The following FBLN1 variants were observed in gnomAD, a reference collection of about 807,000 sequenced individuals.
FBLN1 encodes fibulin 1.
In FBLN1, 34 loss-of-function variants were observed where a neutral mutation model predicts 89.7. The observed-to-expected ratio is 0.38, with a 90% CI of 0.29 to 0.50. The LOEUF is 0.50. Among genes scored for constraint, FBLN1 ranks in the 20% least tolerant of loss-of-function variants. The pLI is 0.92. For missense variants in FBLN1, 777 were observed against 988.1 expected, an observed-to-expected ratio of 0.79 and a Z score of 2.86; for synonymous variants, 393 against 391.3, an observed-to-expected ratio of 1.00 and a Z score of -0.05.
chr22:45,523,597 G>C (rs1343063315), intron 2 of FBLN1, among the ~76,000 whole-genome samples: 1 of 152,156 alleles, frequency 6.6e-6, no homozygotes, highest in Non-Finnish European at 1.5e-5. Context: ...CCAGCTGCCG[G>C]TGAGGCTGAG....
At position 45,558,226 on chromosome 22, in the gene FBLN1, T is replaced by C. The variant is rs947721532; in HGVS notation, c.1697+7611T>C. ...TCAAGCCCGATCACGTATATACCAC[T>C]TCCATTTGATGATGGAATGCTGCTG... On this transcript the variant is annotated intron_variant, in intron 14 of 16. Coordinates refer to ENST00000327858, the MANE Select transcript of FBLN1 (RefSeq NM_006486.3). 14 of 562,750 alleles carry C rather than the reference T, an allele frequency of 2.5e-5. 1 individual carries two copies. The highest frequency in any genetic ancestry group is 3.3e-6 in the Non-Finnish European group (1 of 301,150). The allele number at this position is 562,750 out of a possible 1,614,324, so 34.9% of individuals were successfully genotyped here. A position where few individuals can be genotyped will look rare whatever the true frequency, so the allele number is the denominator to read the frequency against.
Position 45,557,502 on chromosome 22 carries a change from G to A in FBLN1, c.1697+6887G>A, listed in dbSNP as rs769563487. 2.6e-5 allele frequency among the ~76,000 whole-genome samples: 4 copies of A among 152,176 alleles called. No individual in the cohort carries two copies. Among genetic ancestry groups the A allele is most frequent in the Non-Finnish European group, 5.9e-5 (4 of 68,030 alleles). ...CATATCCAGGTCAGCCTTGGTGAGTGGAAGTCCATGTTGCTGAGCCCATGT... is the reference window on the plus strand; with the variant it reads ...CATATCCAGGTCAGCCTTGGTGAGTAGAAGTCCATGTTGCTGAGCCCATGT... On this transcript the variant is annotated intron_variant, in intron 14 of 16. Transcript: ENST00000327858. The surrounding 1 kb of genome is among the most constrained non-coding windows in gnomAD (Gnocchi z 4.9).
At position 45,600,309 on chromosome 22, in the gene FBLN1, G is replaced by A. The variant is rs1185743226; in HGVS notation, c.1975G>A (p.Val659Ile). 6 of 1,614,098 alleles carry A rather than the reference G, an allele frequency of 3.7e-6. No individual in the cohort carries two copies. The highest frequency in any genetic ancestry group is 2.5e-6 in the Non-Finnish European group (3 of 1,180,056). Reference sequence around the variant, plus strand: ...CACACCTTCTGCTCTCTCCGCAGGTGTCGTGCGCCAGGTGCGGCCCATCGT... The same window carrying A: ...CACACCTTCTGCTCTCTCCGCAGGTATCGTGCGCCAGGTGCGGCCCATCGT... ...KRYMDGMTVG[V>I]VRQVRPIVGP... is the part of the protein sequence containing the mutation. The change falls in exon 17 of 17, where the codon GTC (valine) becomes ATC (isoleucine). Residue 659 changes from valine to isoleucine, a missense_variant and splice_region_variant. Physicochemically the swap from Val to Ile is conservative, Grantham distance 29. Coordinates refer to ENST00000327858, the MANE Select transcript of FBLN1 (RefSeq NM_006486.3).
At chr22:45,543,207 A>T (rs562612725) in intron 10 of FBLN1, among the ~76,000 whole-genome samples, 194 bp from the exon 11 acceptor site, 1 of 152,322 alleles carries the variant, frequency 6.6e-6, no homozygotes, top group Non-Finnish European at 1.5e-5. Flanking sequence ...CGGAGGTTGC[A>T]GTGAGCTGAG....
chr22:45,585,737 G>A (rs985962751), intron 16 of FBLN1, among the ~76,000 whole-genome samples: 2 of 152,148 alleles, frequency 1.3e-5, no homozygotes, highest in African/African-American at 4.8e-5. Context: ...AGGAGGTGGA[G>A]GGCATGGGGA....
chr22:45,558,524 G>T, intron 14 of FBLN1: 1 of 164,534 alleles, frequency 6.1e-6, no homozygotes, highest in Non-Finnish European at 1.3e-5. Flanking sequence ...GACACCTCAA[G>T]CAACATTGGA....
At chr22:45,596,063 G>A (rs1048771320) in intron 16 of FBLN1, among the ~76,000 whole-genome samples, 5 of 152,254 alleles carry the variant, frequency 3.3e-5, no homozygotes, top group Admixed American at 2.0e-4. Flanking sequence ...TAGAGACGGG[G>A]TTTCACCGTG....
Position 45,528,014 on chromosome 22 carries a change from C to T in FBLN1, c.484+5C>T, listed in dbSNP as rs11912731. 1.2e-6 allele frequency: 2 copies of T among 1,614,158 alleles called. No homozygotes were observed. The highest frequency in any genetic ancestry group is 1.7e-6 in the Non-Finnish European group (2 of 1,180,008). ...TCGGGGGCCTCCAAGAAACGGGTAACTTTCCCCCTTCCTTCCCTAATGAGC... is the reference window on the plus strand; with the variant it reads ...TCGGGGGCCTCCAAGAAACGGGTAATTTTCCCCCTTCCTTCCCTAATGAGC... On this transcript the variant is annotated splice_donor_5th_base_variant and intron_variant, in intron 4 of 16. Transcript: ENST00000327858.
chr22:45,582,218 T>C (rs1429598902), intron 16 of FBLN1, among the ~76,000 whole-genome samples: 1 of 151,930 alleles, frequency 6.6e-6, no homozygotes, highest in Non-Finnish European at 1.5e-5. Flanking sequence ...TTTTTTCTGG[T>C]CTATACTAGC....
chr22:45,516,876 C>T (rs2088176617), intron 1 of FBLN1, among the ~76,000 whole-genome samples: 1 of 152,230 alleles, frequency 6.6e-6, no homozygotes, highest in African/African-American at 2.4e-5. Context: ...GGACATGGTT[C>T]TAGGTGAGAC....
rs2089004253 is a variant in FBLN1, at chr22:45,577,107, G to A, written c.1971G>A (p.Val657=). The change falls in exon 16 of 17, where the codon GTG becomes GTA. Residue 657 remains valine (V), a splice_region_variant and synonymous_variant. Coordinates refer to ENST00000327858, the MANE Select transcript of FBLN1 (RefSeq NM_006486.3). This position sits in a 1 kb window ranked among gnomAD's most constrained non-coding sequence, Gnocchi z 6.6. The stretch of plus-strand genomic sequence containing the variant: ...AGCGTTACATGGACGGCATGACCGT[G>A]GGTGAGTGGCTGGGAATATCAGCTC... ...IIKRYMDGMT[V]GVVRQVRPIV... 1 of 1,613,890 alleles carries A rather than the reference G, an allele frequency of 6.2e-7. No homozygotes were observed. Among genetic ancestry groups the A allele is most frequent in the African/African-American group, 1.3e-5 (1 of 74,908 alleles).
At chr22:45,521,141 A>G (rs942216803) in intron 2 of FBLN1, among the ~76,000 whole-genome samples, 1 of 152,208 alleles carries the variant, frequency 6.6e-6, no homozygotes, top group Admixed American at 6.5e-5. Flanking sequence ...TTTAATCTCC[A>G]TTGAGTCCCA....
chr22:45,531,653 C>G lies in FBLN1; in HGVS notation c.544+329C>G, dbSNP rs972843886. ...TTGGCTGGGAGCCAGCCATGAGCCA[C>G]TTCCACCCTGAGGAGTCGTGGACTC... is the stretch of plus-strand genomic sequence containing the variant. On this transcript the variant is annotated intron_variant, in intron 5 of 16. Coordinates refer to ENST00000327858, the MANE Select transcript of FBLN1 (RefSeq NM_006486.3). This position sits in a 1 kb window ranked among gnomAD's most constrained non-coding sequence, Gnocchi z 4.9. Among the ~76,000 whole-genome samples the G allele has an allele frequency of 2.0e-5, 3 of 152,392 alleles. No homozygotes were observed. The highest frequency in any genetic ancestry group is 2.0e-4 in the Admixed American group (3 of 15,310).
chr22:45,564,488 T>A (rs2088883773), intron 14 of FBLN1, among the ~76,000 whole-genome samples: 1 of 152,262 alleles, frequency 6.6e-6, no homozygotes, highest in African/African-American at 2.4e-5. Flanking sequence ...CAAGCTCTGC[T>A]GCCTCCGGCC....
At chr22:45,553,666 T>C (rs2088735332) in intron 14 of FBLN1, among the ~76,000 whole-genome samples, 1 of 152,236 alleles carries the variant, frequency 6.6e-6, no homozygotes, top group Admixed American at 6.5e-5. Context: ...CCCTGCTCTT[T>C]GTCCAGAAGG....
At chr22:45,505,831 G>C (rs1020980018) in intron 1 of FBLN1, among the ~76,000 whole-genome samples, 3 of 152,136 alleles carry the variant, frequency 2.0e-5, no homozygotes, top group Non-Finnish European at 2.9e-5. Context: ...GAGTGCAATG[G>C]CATGATCTCG....
At position 45,562,020 on chromosome 22, in the gene FBLN1, A is replaced by C. The variant is rs2088855002; in HGVS notation, c.1697+11405A>C. On this transcript the variant is annotated intron_variant, in intron 14 of 16. Coordinates refer to ENST00000327858, the MANE Select transcript of FBLN1 (RefSeq NM_006486.3). The surrounding 1 kb of genome is among the most constrained non-coding windows in gnomAD (Gnocchi z 7.8). ...TGGGTCTGCCTTTCCCAGCCCACTG[A>C]CTCAAATGTGACTCTCTTTTGGCAA... Among the ~76,000 whole-genome samples the C allele has an allele frequency of 6.6e-6, 1 of 152,080 alleles. No individual in the cohort carries two copies. The highest frequency in any genetic ancestry group is 2.4e-5 in the African/African-American group (1 of 41,394).
chr22:45,574,266 G>A lies in FBLN1; in HGVS notation c.1698-245G>A, dbSNP rs1375978968. Among the ~76,000 whole-genome samples the A allele has an allele frequency of 2.6e-5, 4 of 152,176 alleles. No individual in the cohort carries two copies. The highest frequency in any genetic ancestry group is 5.9e-5 in the Non-Finnish European group (4 of 68,030). ...ACAAATGTCCAAGCTGTGCTTATCC[G>A]CCAGGGCACATGGAAGCTGGAGGGT... On this transcript the variant is annotated intron_variant, in intron 14 of 16. Transcript: ENST00000327858. This position sits in a 1 kb window ranked among gnomAD's most constrained non-coding sequence, Gnocchi z 4.1.
At chr22:45,519,998 C>T (rs1013772533) in intron 2 of FBLN1, among the ~76,000 whole-genome samples, 4 of 152,122 alleles carry the variant, frequency 2.6e-5, no homozygotes, top group Admixed American at 6.5e-5. Flanking sequence ...GGTGAAACCC[C>T]GTCTCTACTA....
Sources: gnomAD v4.1 joint callset for allele counts (sites outside exome capture counted in the v4.1 genomes callset) on GRCh38, gnomAD v4.1.1 for gene constraint, Gnocchi (gnomAD v3.1) non-coding constraint, MANE v1.5 for transcripts, NCBI Gene and HGNC (gene_info 2026-07-23, HGNC 2026-07-21) for gene names.